Variants in ADGRB3 observed in about 807,000 individuals in gnomAD.
The protein encoded by ADGRB3 is adhesion G protein-coupled receptor B3.
A neutral mutation model predicts 193.4 loss-of-function variants in ADGRB3; 37 were observed. The ratio of observed to expected loss-of-function variants is 0.19; its 90% CI spans 0.15 to 0.25. ADGRB3 has a LOEUF of 0.25. Among genes scored for constraint, ADGRB3 ranks in the 10% least tolerant of loss-of-function variants. The pLI is 1.00. For missense variants in ADGRB3, 1,637 were observed against 1,852.9 expected, an observed-to-expected ratio of 0.88 and a Z score of 2.14; for synonymous variants, 690 against 644.2, an observed-to-expected ratio of 1.07 and a Z score of -1.08.
At chr6:69,353,459 T>C (rs1769269481) in intron 26 of ADGRB3, among the ~76,000 whole-genome samples, 1 of 152,194 alleles carries the variant, frequency 6.6e-6, no homozygotes, top group Non-Finnish European at 1.5e-5. Context: ...CAAAGATTTC[T>C]TACATGAGAC....
Position 68,869,683 on chromosome 6 carries a change from A to G in ADGRB3, c.758-60876A>G, listed in dbSNP as rs533823776. Reference sequence around the variant, plus strand: ...ATGGACTCTCACATATGAAAAATTAAAAGTGTTATTTTAAATTCCAGTTTT... The same window carrying G: ...ATGGACTCTCACATATGAAAAATTAGAAGTGTTATTTTAAATTCCAGTTTT... On this transcript the variant is annotated intron_variant, in intron 3 of 31. Transcript: ENST00000370598. Among the ~76,000 whole-genome samples, 13 of 151,090 alleles carry G rather than the reference A, an allele frequency of 8.6e-5. No homozygotes were observed. The East Asian group carries it at 1.6e-3, about 18-fold the overall frequency.
chr6:68,826,946 A>G (rs565577091), intron 3 of ADGRB3, among the ~76,000 whole-genome samples: 2 of 152,290 alleles, frequency 1.3e-5, no homozygotes, highest in South Asian at 2.1e-4. Flanking sequence ...TGCCTATTAA[A>G]CATCCTAGTG....
chr6:69,274,587 C>A (rs1444418342), intron 20 of ADGRB3, among the ~76,000 whole-genome samples: 1 of 139,814 alleles, frequency 7.2e-6, no homozygotes, highest in Non-Finnish European at 1.5e-5. Context: ...TTATTCGTTT[C>A]CTCCCTTTTC....
Position 69,361,251 on chromosome 6 carries a change from C to T in ADGRB3, c.3978C>T (p.Ser1326=), listed in dbSNP as rs1212526797. The part of the protein sequence containing the change: ...VNNQPSMKEE[S]KMNIGMETLP... ...ACCAGCCTTCAATGAAAGAAGAAAG[C>T]AAAATGAATATTGGCATGGAAACCT... The change falls in exon 29 of 32, where the codon AGC becomes AGT. Residue 1326 remains serine (S), a synonymous_variant. Transcript: ENST00000370598. 10 of 1,612,588 alleles carry T rather than the reference C, an allele frequency of 6.2e-6. No homozygotes were observed. Among genetic ancestry groups the T allele is most frequent in the African/African-American group, 1.3e-5 (1 of 74,814 alleles).
At chr6:69,304,532 A>T (rs1768023744) in intron 20 of ADGRB3, among the ~76,000 whole-genome samples, 1 of 151,590 alleles carries the variant, frequency 6.6e-6, no homozygotes, top group Admixed American at 6.6e-5. Context: ...TTTATGTTTT[A>T]ATTTTAGTTA....
chr6:69,222,348 A>G (rs1233873683), intron 17 of ADGRB3, among the ~76,000 whole-genome samples: 1 of 152,168 alleles, frequency 6.6e-6, no homozygotes, highest in East Asian at 1.9e-4. Flanking sequence ...CGGGATATTC[A>G]TTATCTTGAC....
chr6:69,150,633 G>A (rs1018537942), intron 17 of ADGRB3, among the ~76,000 whole-genome samples: 1 of 152,196 alleles, frequency 6.6e-6, no homozygotes, highest in Non-Finnish European at 1.5e-5. Context: ...TAAGCTGCAA[G>A]ACACATTTCC....
At chr6:69,189,871 A>T (rs759111176) in intron 17 of ADGRB3, among the ~76,000 whole-genome samples, 1 of 152,206 alleles carries the variant, frequency 6.6e-6, no homozygotes, top group Admixed American at 6.5e-5. Context: ...GTTGTGGTCA[A>T]TGATGGACTA....
chr6:69,330,801 C>T (rs936797546), intron 23 of ADGRB3, among the ~76,000 whole-genome samples: 1 of 152,034 alleles, frequency 6.6e-6, no homozygotes, highest in African/African-American at 2.4e-5. Context: ...ATTTCTCTTA[C>T]AGTAATTTCA....
intron 30 of ADGRB3, among the ~76,000 whole-genome samples, chr6:69,378,233 G>T (rs538201264): frequency 4.2e-4 from 64 of 152,126 alleles, no homozygotes; most frequent in Non-Finnish European, 6.6e-4. Flanking sequence ...TATCCATGGA[G>T]CTTATGGGCT....
At chr6:69,171,492 G>T (rs569979247) in intron 17 of ADGRB3, among the ~76,000 whole-genome samples, 3 of 152,126 alleles carry the variant, frequency 2.0e-5, no homozygotes, top group African/African-American at 7.2e-5. Flanking sequence ...ATTTGCTATG[G>T]GGTAAGGTAA....
chr6:69,041,655 A>G (rs1188419163), intron 13 of ADGRB3, among the ~76,000 whole-genome samples: 1 of 151,892 alleles, frequency 6.6e-6, no homozygotes, highest in African/African-American at 2.4e-5. Context: ...TCTGTAGCCC[A>G]GGCTGGAGAG....
chr6:68,736,217 C>A (rs893899268), intron 3 of ADGRB3, among the ~76,000 whole-genome samples: 4 of 151,902 alleles, frequency 2.6e-5, no homozygotes, highest in African/African-American at 9.7e-5. Flanking sequence ...TAGGGTCTCT[C>A]TTTGTTGCCC....
At chr6:68,695,382 AATTTCTTCTTGC>A (rs1765140038) in intron 3 of ADGRB3, among the ~76,000 whole-genome samples, 8 of 152,062 alleles carry the variant, frequency 5.3e-5, no homozygotes, top group Admixed American at 5.3e-4. Flanking sequence ...TTCTGAGTGT[AATTTCTTCTTGC>A]ACTCATTTAC....
chr6:68,640,441 G>A (rs567722601), intron 3 of ADGRB3, among the ~76,000 whole-genome samples: 1 of 152,350 alleles, frequency 6.6e-6, no homozygotes, highest in East Asian at 1.9e-4. Context: ...GACTTTTGTT[G>A]TTTGGAAGGT....
intron 5 of ADGRB3, among the ~76,000 whole-genome samples, chr6:68,937,604 C>A (rs75642229): frequency 6.6e-6 from 1 of 152,138 alleles, no homozygotes; most frequent in Non-Finnish European, 1.5e-5. Context: ...ACTTGCACTG[C>A]GGCAGCCTTT....
chr6:69,365,165 C>G (rs1769542184), intron 29 of ADGRB3, among the ~76,000 whole-genome samples: 1 of 152,060 alleles, frequency 6.6e-6, no homozygotes, highest in South Asian at 2.1e-4. Flanking sequence ...ACTCTTTTCC[C>G]TGTATCATTC....
At chr6:68,637,941 T>C (rs987053405) in intron 2 of ADGRB3, among the ~76,000 whole-genome samples, 1 of 152,156 alleles carries the variant, frequency 6.6e-6, no homozygotes, top group South Asian at 2.1e-4. Flanking sequence ...GAACAACAAG[T>C]CTTCCCTATG....
intron 11 of ADGRB3, 42 bp from the exon 12 acceptor site, chr6:69,013,996 C>T (rs1461203777): frequency 5.9e-6 from 8 of 1,351,202 alleles, no homozygotes; most frequent in African/African-American, 1.5e-5. Context: ...AAGTATAATT[C>T]TCTCATGTAA....
Sources: allele counts gnomAD v4.1 joint callset (sites outside exome capture counted in the v4.1 genomes callset), GRCh38; gene constraint gnomAD v4.1.1; transcripts MANE v1.5; gene names NCBI Gene and HGNC (gene_info 2026-07-23, HGNC 2026-07-21).